Variants in SMC1B observed in about 807,000 individuals in gnomAD.
SMC1B encodes the protein structural maintenance of chromosomes 1B, also known as structural maintenance of chromosomes protein 1B.
A neutral mutation model predicts 157.9 loss-of-function variants in SMC1B; 60 were observed. The ratio of observed to expected loss-of-function variants is 0.38; its 90% confidence interval spans 0.31 to 0.47. The LOEUF (loss-of-function observed/expected upper bound fraction) is 0.47, where lower values mean the gene tolerates loss of function less well. SMC1B is among the 20% of genes least tolerant of loss of function. The pLI is 0.99. For missense variants in SMC1B, 1,165 were observed against 1,426.2 expected, an observed-to-expected ratio of 0.82 and a Z score of 2.95; for synonymous variants, 445 against 483.0, an observed-to-expected ratio of 0.92 and a Z score of 1.03.
In SMC1B at chr22:45,383,507, T is replaced by G; in HGVS notation, c.2018A>C (p.Asn673Thr). The G allele has an allele frequency of 6.2e-7, 1 of 1,609,752 alleles. No individual in the cohort carries two copies. Among genetic ancestry groups the G allele is most frequent in the South Asian group, 1.1e-5 (1 of 90,434 alleles). Residue 673 changes from asparagine (N) to threonine (T), a missense_variant, in exon 12 of 25, where the codon AAT becomes ACT. Asn to Thr is a moderately conservative substitution (Grantham distance 65). Coordinates refer to ENST00000357450, the MANE Select transcript of SMC1B (RefSeq NM_148674.5). ...TTTCTGGCTTCGTCTGTCTCTTAGA[T>G]TCTTTAACTCTTTCTCATCCCAGCA... ...ARCWDEKELK[N>T]LRDRRSQKIQ...
chr22:45,407,105 G>A (rs1471653198), intron 2 of SMC1B, among the ~76,000 whole-genome samples: 2 of 152,136 alleles, frequency 1.3e-5, no homozygotes. Context: ...ATATATCCTA[G>A]TCAGGATGTA....
chr22:45,366,313 C>T (rs2086775687), intron 15 of SMC1B, among the ~76,000 whole-genome samples: 1 of 152,158 alleles, frequency 6.6e-6, no homozygotes, highest in Non-Finnish European at 1.5e-5. Context: ...TGTCAGCTAC[C>T]ATGTCCAGCC....
At chr22:45,354,184 T>G in intron 20 of SMC1B, 52 bp from the exon 21 acceptor site, 1 of 1,364,064 alleles carries the variant, frequency 7.3e-7, no homozygotes, top group East Asian at 2.7e-5. Context: ...GAGGTTCTTT[T>G]ACTTAAACTG....
At chr22:45,344,967 G>A (rs2086535911) in intron 24 of SMC1B, among the ~76,000 whole-genome samples, 1 of 152,120 alleles carries the variant, frequency 6.6e-6, no homozygotes, top group Non-Finnish European at 1.5e-5. Context: ...CTGAACTAGT[G>A]GCTCTACTTC....
rs755577782 is a variant in SMC1B, at chr22:45,359,930, C to A, written c.2737G>T (p.Val913Leu). 14 of 1,613,754 alleles carry A rather than the reference C, an allele frequency of 8.7e-6. No individual in the cohort carries two copies. Among genetic ancestry groups the A allele is most frequent in the Admixed American group, 1.7e-5 (1 of 59,978 alleles). Residue 913 changes from valine to leucine, a missense_variant, in exon 18 of 25, where the codon GTA (valine) becomes TTA (leucine). Coordinates refer to ENST00000357450, the MANE Select transcript of SMC1B (RefSeq NM_148674.5). The stretch of plus-strand genomic sequence containing the variant: ...TGTTCCAGAGAAGTTTGAATACTTA[C>A]AACTTCTTTTTGCAATTTCCCCACT... The part of the protein sequence containing the change: ...REVGKLQKEV[V>L]SIQTSLEQKR...
intron 16 of SMC1B, among the ~76,000 whole-genome samples, 177 bp from the exon 17 acceptor site, chr22:45,362,161 A>G (rs913129236): frequency 2.6e-5 from 4 of 152,170 alleles, no homozygotes; most frequent in African/African-American, 9.7e-5. Context: ...GAAACTGGTG[A>G]TCATTACCTG....
At chr22:45,400,706 A>G (rs2087182311) in intron 5 of SMC1B, among the ~76,000 whole-genome samples, 1 of 152,224 alleles carries the variant, frequency 6.6e-6, no homozygotes. Context: ...GAGGAGAAAC[A>G]TGACAAAAAC....
In SMC1B at chr22:45,389,807, C is replaced by A; in HGVS notation, c.1636G>T (p.Val546Phe). Residue 546 changes from valine (V) to phenylalanine (F), a missense_variant, in exon 10 of 25, where the codon GTT becomes TTT. Coordinates refer to ENST00000357450, the MANE Select transcript of SMC1B (RefSeq NM_148674.5). Reference protein sequence around the residue: ...KVFGRFITAIVVASEKVAKDC... With the variant: ...KVFGRFITAIFVASEKVAKDC... The stretch of plus-strand genomic sequence containing the variant: ...TTTGCTACCTTTTCAGAGGCTACAA[C>A]AATGGCAGTGATGAACCGGCCAAAA... 1 of 1,614,034 alleles carries A rather than the reference C, an allele frequency of 6.2e-7. No homozygotes were observed. Among genetic ancestry groups the A allele is most frequent in the South Asian group, 1.1e-5 (1 of 91,080 alleles).
intron 15 of SMC1B, among the ~76,000 whole-genome samples, chr22:45,364,931 G>A (rs1225435707): frequency 4.1e-5 from 6 of 145,662 alleles, no homozygotes; most frequent in Admixed American, 7.2e-5. Context: ...TCCGCTTCCC[G>A]GGTTCACGCC....
At position 45,352,494 on chromosome 22, in the gene SMC1B, C is replaced by G. The variant is rs756276198; in HGVS notation, c.3382G>C (p.Glu1128Gln). The change falls in exon 22 of 25, where the codon GAA (glutamate) becomes CAA (glutamine). Residue 1128 changes from glutamate (E) to glutamine (Q), a missense_variant. Physicochemically the swap from Glu to Gln is conservative, Grantham distance 29 (BLOSUM62 2). Coordinates refer to ENST00000357450, the MANE Select transcript of SMC1B (RefSeq NM_148674.5). Reference protein sequence around the residue: ...FMPMDNLSGGEKCVAALALLF... With the variant: ...FMPMDNLSGGQKCVAALALLF... ...AGAGCCAAGGCTGCCACACACTTTT[C>G]TCCCCCTGACAAATTGTCCATTGGC... 6.2e-7 allele frequency: 1 copy of G among 1,614,116 alleles called. No homozygotes were observed. Among genetic ancestry groups the G allele is most frequent in the Non-Finnish European group, 8.5e-7 (1 of 1,179,978 alleles).
chr22:45,371,639 A>C, intron 13 of SMC1B, 52 bp from the exon 14 acceptor site: 1 of 1,536,548 alleles, frequency 6.5e-7, no homozygotes, highest in Non-Finnish European at 8.7e-7. Flanking sequence ...AGCTTTATAT[A>C]GTGAAGCCAA....
intron 13 of SMC1B, 135 bp from the exon 14 acceptor site, chr22:45,371,722 A>G: frequency 9.5e-7 from 1 of 1,056,740 alleles, no homozygotes. Flanking sequence ...ATAAAAGGTT[A>G]AATACCACAT....
chr22:45,390,653 C>T (rs887340559), intron 9 of SMC1B, among the ~76,000 whole-genome samples: 10 of 150,770 alleles, frequency 6.6e-5, no homozygotes, highest in African/African-American at 2.2e-4. Flanking sequence ...TGCAGTGAGC[C>T]GAGATCATGC....
chr22:45,352,257 T>TTG (rs1979328291), intron 22 of SMC1B, among the ~76,000 whole-genome samples, 194 bp downstream of exon 22: 1 of 152,002 alleles, frequency 6.6e-6, no homozygotes, highest in Admixed American at 6.6e-5. Context: ...ATCTAAGAAT[T>TTG]CTGTCTTCGA....
At chr22:45,396,569 A>T in intron 6 of SMC1B, 83 bp from the exon 7 acceptor site, 1 of 1,195,410 alleles carries the variant, frequency 8.4e-7, no homozygotes, top group South Asian at 1.8e-5. Context: ...CTGTACTAGA[A>T]GATAATTAAT....
intron 22 of SMC1B, among the ~76,000 whole-genome samples, chr22:45,351,808 A>G (rs1195417904): frequency 6.6e-6 from 1 of 152,338 alleles, no homozygotes; most frequent in East Asian, 1.9e-4. Flanking sequence ...TGAATGTTGA[A>G]AGAGGTTAAT....
intron 18 of SMC1B, among the ~76,000 whole-genome samples, chr22:45,359,146 C>T (rs1309494629): frequency 1.3e-5 from 2 of 152,256 alleles, no homozygotes; most frequent in Non-Finnish European, 2.9e-5. Context: ...TGGGAGGATG[C>T]GCATAGGTCA....
chr22:45,362,864 C>T (rs754537327), intron 16 of SMC1B, 21 bp downstream of exon 16: 1 of 1,581,020 alleles, frequency 6.3e-7, no homozygotes, highest in Admixed American at 1.8e-5. Flanking sequence ...AGAGGCACTT[C>T]AGCTACCCAT....
Position 45,352,599 on chromosome 22 carries a change from A to G in SMC1B, c.3277T>C (p.Phe1093Leu), listed in dbSNP as rs773005268. The change falls in exon 22 of 25, where the codon TTT becomes CTT. Residue 1093 changes from phenylalanine (F) to leucine (L), a missense_variant. Coordinates refer to ENST00000357450, the MANE Select transcript of SMC1B (RefSeq NM_148674.5). ...KLCRNNSAQA[F>L]LSPENPEEPY... ...TCTTCAGGGTTCTCTGGGCTAAGAA[A>G]TGCCTGAAACGCATGTTATTTATTT... 1 of 1,602,528 alleles carries G rather than the reference A, an allele frequency of 6.2e-7. No homozygotes were observed. Among genetic ancestry groups the G allele is most frequent in the Non-Finnish European group, 8.5e-7 (1 of 1,174,388 alleles).
Sources: allele counts gnomAD v4.1 joint callset (sites outside exome capture counted in the v4.1 genomes callset), GRCh38; gene constraint gnomAD v4.1.1; transcripts MANE v1.5; gene names NCBI Gene and HGNC (gene_info 2026-07-23, HGNC 2026-07-21).